The following ARHGDIB variants were observed in gnomAD, a reference collection of about 807,000 sequenced individuals.
The protein encoded by ARHGDIB is Rho GDP dissociation inhibitor beta.
Under a neutral mutation model 22.6 loss-of-function variants are expected in ARHGDIB, and 20 were observed. The observed-to-expected ratio is 0.88, with a 90% CI of 0.62 to 1.28. The LOEUF (loss-of-function observed/expected upper bound fraction) is 1.28, where lower values mean the gene tolerates loss of function less well. Among genes scored for constraint, ARHGDIB ranks in the 50% most tolerant of loss-of-function variants. ARHGDIB has a pLI of 0.00. For synonymous variants in ARHGDIB, 114 were observed against 96.1 expected, an observed-to-expected ratio of 1.19 and a Z score of -1.09; for missense variants, 254 against 245.4, an observed-to-expected ratio of 1.04 and a Z score of -0.23.
chr12:14,945,900 A>C (rs1314311495), intron 4 of ARHGDIB, among the ~76,000 whole-genome samples: 1 of 152,204 alleles, frequency 6.6e-6, no homozygotes, highest in Non-Finnish European at 1.5e-5. Flanking sequence ...AGGCTTTCTA[A>C]TACTGTGAGT....
At position 14,944,795 on chromosome 12, in the gene ARHGDIB, G is replaced by C. The variant is rs2302745; in HGVS notation, c.387C>G (p.Thr129=). 1.2e-6 allele frequency: 2 copies of C among 1,613,574 alleles called. No homozygotes were observed. Among genetic ancestry groups the C allele is most frequent in the South Asian group, 2.2e-5 (2 of 90,944 alleles). ...CCTTACCTTTCACCCCAGTCCTGTA[G>C]GTGTGCTGAACGTATTTCAGGCCTG... ...IVSGLKYVQH[T]YRTGVKVDKA... is the part of the protein sequence containing the mutation. The change falls in exon 5 of 6, where the codon ACC becomes ACG. Residue 129 remains threonine (T), a synonymous_variant. Coordinates refer to ENST00000228945, the MANE Select transcript of ARHGDIB (RefSeq NM_001175.7).
chr12:14,954,922 A>G (rs892978149), intron 1 of ARHGDIB, among the ~76,000 whole-genome samples: 1 of 152,348 alleles, frequency 6.6e-6, no homozygotes, highest in African/African-American at 2.4e-5. Context: ...TGTGTCCCTA[A>G]ACATTATGTT....
In ARHGDIB at chr12:14,947,746, G is replaced by T. The variant is rs965286922; in HGVS notation, c.342+127C>A. ...TCAGGGCTGGGAAGAGGACATTCCA[G>T]ACCCAGCTTGGGGGTACTAGGGGAG... On this transcript the variant is annotated intron_variant, in intron 4 of 5. Coordinates refer to ENST00000228945, the MANE Select transcript of ARHGDIB (RefSeq NM_001175.7). The T allele has an allele frequency of 3.8e-5, 30 of 787,876 alleles. No individual in the cohort carries two copies. In the African/African-American group the frequency reaches 4.5e-4, roughly 12 times the overall value. The allele number at this position is 787,876 out of a possible 1,614,324, so 48.8% of individuals were successfully genotyped here.
chr12:14,948,100 GCACACACACA>G (rs56206040), intron 3 of ARHGDIB, 151 bp from the exon 4 acceptor site: 57,716 of 433,650 alleles, frequency 0.13, 3,161 homozygotes, highest in Admixed American at 0.17. Flanking sequence ...TTTAGTCCTT[GCACACACACA>G]CACACACACA....
Position 14,947,936 on chromosome 12 carries a change from G to A in ARHGDIB, c.279C>T (p.Ala93=), listed in dbSNP as rs1186029129. The part of the protein sequence containing the change: ...ITMDLTGDLE[A]LKKETIVLKE... Reference sequence around the variant, plus strand: ...TTAACACAATGGTTTCCTTTTTGAGGGCTTCCAGATCTCCTGTAGAAGAAG... The same window carrying A: ...TTAACACAATGGTTTCCTTTTTGAGAGCTTCCAGATCTCCTGTAGAAGAAG... Residue 93 remains alanine (A), a synonymous_variant, in exon 4 of 6, where the codon GCC becomes GCT. Coordinates refer to ENST00000228945, the MANE Select transcript of ARHGDIB (RefSeq NM_001175.7). 2 of 1,611,746 alleles carry A rather than the reference G, an allele frequency of 1.2e-6. No individual in the cohort carries two copies. The highest frequency in any genetic ancestry group is 2.7e-5 in the African/African-American group (2 of 74,792).
chr12:14,952,973 G>C lies in ARHGDIB; in HGVS notation c.-12-2249C>G, dbSNP rs7313106. On this transcript the variant is annotated intron_variant, in intron 1 of 5. Coordinates refer to ENST00000228945, the MANE Select transcript of ARHGDIB (RefSeq NM_001175.7). ...TCTCAATGTTGAAAAGAGAAAGAGA[G>C]AGAAAGAGAAAGAGAGCGAGAGAGG... 3.3e-3 allele frequency among the ~76,000 whole-genome samples: 503 copies of C among 151,948 alleles called. 3 individuals carry two copies. Among genetic ancestry groups the C allele is most frequent in the African/African-American group, 0.012 (493 of 41,240 alleles).
Position 14,942,424 on chromosome 12 carries a change from A to G in ARHGDIB, c.*98T>C. On this transcript the variant is annotated 3_prime_UTR_variant, in exon 6 of 6. Transcript: ENST00000228945. ...CAATAAGGAAATGTGGCAGTGTTGA[A>G]GAGGGACCCAGCTGTGGACAGGGAG... The G allele has an allele frequency of 1.5e-6, 2 of 1,318,594 alleles. No homozygotes were observed. Among genetic ancestry groups the G allele is most frequent in the Non-Finnish European group, 2.2e-6 (2 of 923,356 alleles). 81.7% of individuals were successfully genotyped at this position (1,318,594 alleles called of 1,614,324 possible). A position where few individuals can be genotyped will look rare whatever the true frequency, so the allele number is the denominator to read the frequency against.
At chr12:14,953,499 T>C (rs1864228021) in intron 1 of ARHGDIB, among the ~76,000 whole-genome samples, 1 of 152,130 alleles carries the variant, frequency 6.6e-6, no homozygotes, top group Admixed American at 6.6e-5. Flanking sequence ...CTCTTCAGAG[T>C]AGAGAAGAGG....
intron 2 of ARHGDIB, 117 bp downstream of exon 2, chr12:14,950,415 C>T: frequency 1.2e-6 from 1 of 864,350 alleles, no homozygotes; most frequent in Non-Finnish European, 1.8e-6. Context: ...TTGTGCCTCG[C>T]TCACTTTTTC....
At chr12:14,959,258 A>C (rs532272171) in intron 1 of ARHGDIB, among the ~76,000 whole-genome samples, 21 of 152,312 alleles carry the variant, frequency 1.4e-4, no homozygotes, top group African/African-American at 4.8e-4. Flanking sequence ...GTCTCTACTA[A>C]AAATGGTAAA....
chr12:14,955,221 G>T (rs1017350430), intron 1 of ARHGDIB, among the ~76,000 whole-genome samples: 1 of 152,158 alleles, frequency 6.6e-6, no homozygotes, highest in African/African-American at 2.4e-5. Flanking sequence ...TCGCAATGTT[G>T]TGAGGTAGGC....
At chr12:14,954,665 C>G (rs1467590901) in intron 1 of ARHGDIB, among the ~76,000 whole-genome samples, 1 of 152,216 alleles carries the variant, frequency 6.6e-6, no homozygotes, top group Non-Finnish European at 1.5e-5. Context: ...TAGATGATTA[C>G]TTTTCTAAGG....
chr12:14,948,060 A>G, intron 3 of ARHGDIB, 111 bp from the exon 4 acceptor site: 1 of 734,830 alleles, frequency 1.4e-6, no homozygotes, highest in Non-Finnish European at 2.4e-6. Flanking sequence ...AACATGGTTC[A>G]CAGGGCCCTC....
At chr12:14,956,939 T>C (rs1402232298) in intron 1 of ARHGDIB, among the ~76,000 whole-genome samples, 3 of 152,360 alleles carry the variant, frequency 2.0e-5, no homozygotes, top group Middle Eastern at 3.4e-3. Flanking sequence ...TTTCCAAGAC[T>C]TTGAAAGTGA....
intron 4 of ARHGDIB, among the ~76,000 whole-genome samples, chr12:14,945,365 A>G (rs1863988593): frequency 6.6e-6 from 1 of 152,376 alleles, no homozygotes; most frequent in South Asian, 2.1e-4. Flanking sequence ...AATATAACTG[A>G]AATAATGGGT....
intron 5 of ARHGDIB, 87 bp downstream of exon 5, chr12:14,944,689 G>T: frequency 7.7e-7 from 1 of 1,295,668 alleles, no homozygotes; most frequent in Non-Finnish European, 1.1e-6. Context: ...TCTCATCTGA[G>T]TCTATAGCTA....
intron 5 of ARHGDIB, among the ~76,000 whole-genome samples, chr12:14,943,946 G>C (rs574894172): frequency 6.6e-6 from 1 of 152,312 alleles, no homozygotes; most frequent in South Asian, 2.1e-4. Flanking sequence ...TATCGGAAAG[G>C]CCAATCAATA....
chr12:14,956,660 A>G (rs1197566330), intron 1 of ARHGDIB, among the ~76,000 whole-genome samples: 1 of 152,180 alleles, frequency 6.6e-6, no homozygotes, highest in Non-Finnish European at 1.5e-5. Context: ...TTAGGCCCCA[A>G]AGCACATATC....
chr12:14,942,482 T>G lies in ARHGDIB; in HGVS notation c.*40A>C, dbSNP rs1469982949. On this transcript the variant is annotated 3_prime_UTR_variant, in exon 6 of 6. Transcript: ENST00000228945. ...AGGGTGCTGAACACGCCTGAGAGAATTCTTCCAGGTGGCAAGGGTGGGGAA... is the reference window on the plus strand; with the variant it reads ...AGGGTGCTGAACACGCCTGAGAGAAGTCTTCCAGGTGGCAAGGGTGGGGAA... The G allele has an allele frequency of 6.2e-7, 1 of 1,610,790 alleles. No homozygotes were observed. The highest frequency in any genetic ancestry group is 8.5e-7 in the Non-Finnish European group (1 of 1,177,812).
Sources: gnomAD v4.1 joint callset for allele counts (sites outside exome capture counted in the v4.1 genomes callset) on GRCh38, gnomAD v4.1.1 for gene constraint, MANE v1.5 for transcripts, NCBI Gene and HGNC (gene_info 2026-07-23, HGNC 2026-07-21) for gene names.